GRIN2A: variants seen among roughly 807,000 people sequenced by gnomAD.
GRIN2A encodes glutamate receptor ionotropic, NMDA 2A.
A neutral mutation model predicts 113.4 loss-of-function variants in GRIN2A; 22 were observed. That is an observed-to-expected ratio of 0.19 (90% CI 0.14 to 0.28). GRIN2A has a LOEUF of 0.28. Among genes scored for constraint, GRIN2A ranks in the 10% least tolerant of loss-of-function variants. The pLI is 1.00. For missense variants in GRIN2A, 1,502 were observed against 1,887.0 expected (o/e 0.80, Z 3.78); for synonymous variants, 827 against 738.4 (o/e 1.12, Z -1.94).
intron 4 of GRIN2A, among the ~76,000 whole-genome samples, chr16:9,886,376 AC>A (rs1363341793): frequency 1.3e-5 from 2 of 152,206 alleles, no homozygotes; most frequent in African/African-American, 2.4e-5. Flanking sequence ...GGCAACAACA[AC>A]AACAAAAGCA....
intron 3 of GRIN2A, among the ~76,000 whole-genome samples, chr16:9,935,271 T>C (rs2044686588): frequency 6.6e-6 from 1 of 152,182 alleles, no homozygotes; most frequent in African/African-American, 2.4e-5. Flanking sequence ...CGTTTGTGTC[T>C]TTGGGCTGGC....
At chr16:9,873,970 G>A (rs9302397) in intron 4 of GRIN2A, among the ~76,000 whole-genome samples, 49,778 of 152,124 alleles carry the variant, frequency 0.33, 9,401 homozygotes, top group African/African-American at 0.53. Context: ...TAAAGACAAC[G>A]TAAGTGAGAG....
Position 9,840,702 on chromosome 16 carries a change from T to A in GRIN2A, c.1596A>T (p.Gly532=), listed in dbSNP as rs2141342489. The A allele has an allele frequency of 6.2e-7, 1 of 1,612,290 alleles. No individual in the cohort carries two copies. The highest frequency in any genetic ancestry group is 8.5e-7 in the Non-Finnish European group (1 of 1,179,756). Residue 532 remains glycine (G), a synonymous_variant, in exon 7 of 13, where the codon GGA becomes GGT. Transcript: ENST00000330684. ...TACTTCTTGAAACCATGACACTGAT[T>A]CCCGTTTCCACAAAGGGCACAGAGA... The part of the protein sequence containing the change: ...VDFSVPFVET[G]ISVMVSRSNG...
At chr16:9,904,809 G>A (rs1007079097) in intron 3 of GRIN2A, among the ~76,000 whole-genome samples, 2 of 152,154 alleles carry the variant, frequency 1.3e-5, no homozygotes, top group African/African-American at 4.8e-5. Context: ...TAAACTTTCA[G>A]TCCATAACAA....
At chr16:9,915,998 T>C (rs1024248072) in intron 3 of GRIN2A, among the ~76,000 whole-genome samples, 1 of 152,220 alleles carries the variant, frequency 6.6e-6, no homozygotes, top group Non-Finnish European at 1.5e-5. Context: ...CCTGGGATTA[T>C]TGAGAGTGCT....
At chr16:9,997,400 C>A (rs1009838200) in intron 2 of GRIN2A, among the ~76,000 whole-genome samples, 10 of 152,226 alleles carry the variant, frequency 6.6e-5, no homozygotes, top group Non-Finnish European at 1.3e-4. Context: ...CTTCCCCCTA[C>A]ACTTTTTCTT....
rs1342755805 is a variant in GRIN2A, at chr16:9,938,359, C to T, written c.607G>A (p.Val203Met). Reference protein sequence around the residue: ...NSFVGWDMQNVITLDTSFEDA... With the variant: ...NSFVGWDMQNMITLDTSFEDA... The stretch of plus-strand genomic sequence containing the variant: ...TCAAAGGAAGTGTCCAGTGTGATCA[C>T]ATTCTGCATGTCCCAGCCCACAAAG... The change falls in exon 3 of 13, where the codon GTG becomes ATG. Residue 203 changes from valine (V) to methionine (M), a missense_variant. Val to Met is a conservative substitution (Grantham distance 21, BLOSUM62 1). This residue lies in a region of GRIN2A where 334 missense variants were observed against 403.0 expected (regional missense o/e 0.83). Coordinates refer to ENST00000330684, the MANE Select transcript of GRIN2A (RefSeq NM_001134407.3). The T allele has an allele frequency of 2.5e-6, 4 of 1,614,046 alleles. No homozygotes were observed. Among genetic ancestry groups the T allele is most frequent in the Non-Finnish European group, 3.4e-6 (4 of 1,180,006 alleles).
chr16:10,144,082 T>C (rs1476382598), intron 2 of GRIN2A, among the ~76,000 whole-genome samples: 1 of 152,196 alleles, frequency 6.6e-6, no homozygotes, highest in Non-Finnish European at 1.5e-5. Flanking sequence ...CTGATTTCAA[T>C]TCTTTGGGAT....
chr16:9,979,495 C>A (rs867178461), intron 2 of GRIN2A, among the ~76,000 whole-genome samples: 1 of 152,146 alleles, frequency 6.6e-6, no homozygotes, highest in South Asian at 2.1e-4. Flanking sequence ...TCAGCTTAAA[C>A]GTCTCATGCT....
rs149366929 is a variant in GRIN2A at position 9,968,608 on chromosome 16, T to C, written c.415-30057A>G. Among the ~76,000 whole-genome samples the C allele has an allele frequency of 4.4e-3, 656 of 150,652 alleles. 4 individuals are homozygous for C. The highest frequency in any genetic ancestry group is 0.015 in the African/African-American group (613 of 40,848). Reference sequence around the variant, plus strand: ...AATTACAGGCATGAGCCACCATACCTGGTCGTATTTATTTTTTTGACAGAG... The same window carrying C: ...AATTACAGGCATGAGCCACCATACCCGGTCGTATTTATTTTTTTGACAGAG... On this transcript the variant is annotated intron_variant, in intron 2 of 12. Transcript: ENST00000330684.
At chr16:10,035,276 T>C (rs1177452139) in intron 2 of GRIN2A, among the ~76,000 whole-genome samples, 1 of 152,142 alleles carries the variant, frequency 6.6e-6, no homozygotes, top group Non-Finnish European at 1.5e-5. Context: ...TCCTCCTGCC[T>C]TGGCCTCTCA....
At position 9,756,175 on chromosome 16, in the gene GRIN2A, A is replaced by T. The variant is rs1486403327; in HGVS notation, c.*6974T>A. ...ACACATGAGAGCATGTACTATGTAT[A>T]TATGTTTAATGGAATTAGCCCTGAT... On this transcript the variant is annotated 3_prime_UTR_variant, in exon 13 of 13. Coordinates refer to ENST00000330684, the MANE Select transcript of GRIN2A (RefSeq NM_001134407.3). The T allele has an allele frequency of 1.3e-5, 3 of 227,168 alleles. No individual in the cohort carries two copies. The highest frequency in any genetic ancestry group is 1.3e-3 in the Middle Eastern group (1 of 766). The allele number at this position is 227,168 out of a possible 1,614,324, so 14.1% of individuals were successfully genotyped here. A position where few individuals can be genotyped will look rare whatever the true frequency, so the allele number is the denominator to read the frequency against.
At chr16:9,840,041 C>A (rs1206556287) in intron 7 of GRIN2A, among the ~76,000 whole-genome samples, 1 of 152,106 alleles carries the variant, frequency 6.6e-6, no homozygotes, top group Non-Finnish European at 1.5e-5. Flanking sequence ...TTGCTTGAAC[C>A]CAGGAGGCAG....
At chr16:10,095,297 C>G (rs748321143) in intron 2 of GRIN2A, among the ~76,000 whole-genome samples, 4 of 152,102 alleles carry the variant, frequency 2.6e-5, no homozygotes, top group Non-Finnish European at 4.4e-5. Context: ...GTCATGGAAG[C>G]CTGAGCTCAC....
At position 10,170,313 on chromosome 16, in the gene GRIN2A, T is replaced by C. The variant is rs1165734710; in HGVS notation, c.414+9685A>G. Among the ~76,000 whole-genome samples, 3 of 152,330 alleles carry C rather than the reference T, an allele frequency of 2.0e-5. No homozygotes were observed. The East Asian group carries it at 5.8e-4, about 29-fold the overall frequency. ...AAGTCTCACATCCCCCTTTCTGCAA[T>C]AGTGAAAATTCTTCTTCAAACTATT... is the stretch of plus-strand genomic sequence containing the variant. On this transcript the variant is annotated intron_variant, in intron 2 of 12. Coordinates refer to ENST00000330684, the MANE Select transcript of GRIN2A (RefSeq NM_001134407.3).
At chr16:9,918,130 T>C (rs2044287122) in intron 3 of GRIN2A, among the ~76,000 whole-genome samples, 1 of 152,204 alleles carries the variant, frequency 6.6e-6, no homozygotes, top group Non-Finnish European at 1.5e-5. Flanking sequence ...CCAGCATTAT[T>C]TCTATTTTAC....
rs986906947 is a variant in GRIN2A, at chr16:9,754,103, C to G, written c.*9046G>C. 1 of 185,008 alleles carries G rather than the reference C, an allele frequency of 5.4e-6. No homozygotes were observed. Among genetic ancestry groups the G allele is most frequent in the East Asian group, 8.8e-5 (1 of 11,414 alleles). The allele number at this position is 185,008 out of a possible 1,614,324, so 11.5% of individuals were successfully genotyped here. On this transcript the variant is annotated 3_prime_UTR_variant, in exon 13 of 13. Transcript: ENST00000330684. The stretch of plus-strand genomic sequence containing the variant: ...TAATTTTTATGATCTAATTCTTATT[C>G]AAGCTACCAAGAAACTCACCTTATT...
At chr16:9,887,689 T>C (rs1448329561) in intron 4 of GRIN2A, among the ~76,000 whole-genome samples, 1 of 152,204 alleles carries the variant, frequency 6.6e-6, no homozygotes, top group Non-Finnish European at 1.5e-5. Flanking sequence ...TTGGGATAAA[T>C]AACTAGGAGT....
At chr16:10,060,070 G>A (rs190196598) in intron 2 of GRIN2A, among the ~76,000 whole-genome samples, 46 of 152,278 alleles carry the variant, frequency 3.0e-4, no homozygotes, top group African/African-American at 1.1e-3. Context: ...TGGGACCCTG[G>A]AGGCTGCCCA....
Sources: gnomAD v4.1 joint callset for allele counts (sites outside exome capture counted in the v4.1 genomes callset) on GRCh38, gnomAD v4.1.1 for gene constraint, gnomAD v4.1.1 regional missense constraint, MANE v1.5 for transcripts, NCBI Gene and HGNC (gene_info 2026-07-23, HGNC 2026-07-21) for gene names.